Variants in SRCAP observed in about 807,000 individuals in gnomAD.
SRCAP encodes the protein chromatin remodeling protein SRCAP.
In SRCAP, 46 loss-of-function variants were observed where a neutral mutation model predicts 263.1. That is an observed-to-expected ratio of 0.17 (90% CI 0.14 to 0.22). The LOEUF is 0.22. SRCAP is among the 10% of genes least tolerant of loss of function. The pLI is 1.00. For synonymous variants in SRCAP, 1,813 were observed against 1,662.1 expected, an observed-to-expected ratio of 1.09 and a Z score of -2.21; for missense variants, 3,695 against 4,181.9, an observed-to-expected ratio of 0.88 and a Z score of 3.21.
At chr16:30,701,710 A>T (rs1433248605) in intron 3 of SRCAP, among the ~76,000 whole-genome samples, 2 of 148,312 alleles carry the variant, frequency 1.3e-5, no homozygotes, top group African/African-American at 2.5e-5. Flanking sequence ...GCTCACTGCA[A>T]CCTCCGCCTC....
rs539793255 is a variant in SRCAP at position 30,723,766 on chromosome 16, C to T, written c.4342C>T (p.Pro1448Ser). The change falls in exon 25 of 34, where the codon CCT (proline) becomes TCT (serine). Residue 1448 changes from proline (P) to serine (S), a missense_variant. Pro to Ser is a moderately conservative substitution (Grantham distance 74). Coordinates refer to ENST00000262518, the MANE Select transcript of SRCAP (RefSeq NM_006662.3). Reference sequence around the variant, plus strand: ...CCCCATCTCTGTCCCCACCACACTTCCTGCCCCAGCCTCGGCTCCACTCAC... The same window carrying T: ...CCCCATCTCTGTCCCCACCACACTTTCTGCCCCAGCCTCGGCTCCACTCAC... Reference protein sequence around the residue: ...SLPISVPTTLPAPASAPLTIP... With the variant: ...SLPISVPTTLSAPASAPLTIP... 1.1e-5 allele frequency: 18 copies of T among 1,614,096 alleles called. No individual in the cohort carries two copies. The African/African-American group carries it at 2.0e-4, about 18-fold the overall frequency.
intron 21 of SRCAP, 27 bp from the exon 22 acceptor site, chr16:30,722,095 G>GT: frequency 6.2e-7 from 1 of 1,604,014 alleles, no homozygotes; most frequent in Non-Finnish European, 8.5e-7. Context: ...TGAGCCTTGT[G>GT]TACAATAAGG....
intron 4 of SRCAP, among the ~76,000 whole-genome samples, chr16:30,706,333 C>T (rs965003138): frequency 6.6e-5 from 10 of 152,020 alleles, no homozygotes; most frequent in Admixed American, 5.9e-4. Context: ...TTGCATGTGC[C>T]TATAGTCAGT....
In SRCAP at chr16:30,738,422, C is replaced by T; in HGVS notation, c.8382C>T (p.Arg2794=). 1 of 1,553,788 alleles carries T rather than the reference C, an allele frequency of 6.4e-7. No homozygotes were observed. The highest frequency in any genetic ancestry group is 1.2e-5 in the South Asian group (1 of 81,246). ...TSASPGSPSV[R]SMSGPESSPP... ...CCAGCCCGGGAAGCCCGTCTGTCCG[C>T]AGCATGTCAGGGCCAGAATCCTCCC... The change falls in exon 34 of 34, where the codon CGC becomes CGT. Residue 2794 remains arginine (R), a synonymous_variant. Transcript: ENST00000262518.
At chr16:30,731,683 G>A (rs866268681) in intron 27 of SRCAP, among the ~76,000 whole-genome samples, 55 of 151,838 alleles carry the variant, frequency 3.6e-4, no homozygotes, top group African/African-American at 1.3e-3. Context: ...GCAACATGGC[G>A]AAACCCTGTC....
rs56209507 is a variant in SRCAP, at chr16:30,703,955, A to C, written c.55-109A>C. On this transcript the variant is annotated intron_variant, in intron 3 of 33. Coordinates refer to ENST00000262518, the MANE Select transcript of SRCAP (RefSeq NM_006662.3). ...TTGTGTTTATGAAAATAAGGTTTAT[A>C]CCTTACTCTACACAGTTTTTTCTTG... is the stretch of plus-strand genomic sequence containing the variant. 6.0e-3 allele frequency: 7,874 copies of C among 1,322,554 alleles called. 354 individuals are homozygous for C. The African/African-American group carries it at 0.11, about 18-fold the overall frequency. The allele number at this position is 1,322,554 out of a possible 1,614,324, so 81.9% of individuals were successfully genotyped here.
At chr16:30,717,610 CTTTTTTTTT>C (rs34512915) in intron 18 of SRCAP, among the ~76,000 whole-genome samples, 1 of 91,146 alleles carries the variant, frequency 1.1e-5, no homozygotes, top group East Asian at 3.4e-4. Context: ...CCAAGCCTGG[CTTTTTTTTT>C]TTTTTTTTTT....
chr16:30,702,154 A>G (rs888564345), intron 3 of SRCAP, among the ~76,000 whole-genome samples: 2 of 150,782 alleles, frequency 1.3e-5, no homozygotes, highest in Non-Finnish European at 2.9e-5. Context: ...GGGTTTCACC[A>G]TGTTTGCCAG....
At chr16:30,726,349 CAGGTGT>C (rs2053064508) in intron 25 of SRCAP, 1 of 152,152 alleles carries the variant, frequency 6.6e-6, no homozygotes, top group Non-Finnish European at 1.5e-5. Context: ...TTTGTATGGA[CAGGTGT>C]TCTCAGTTTC....
Position 30,709,581 on chromosome 16 carries a change from C to T in SRCAP, c.702C>T (p.Asp234=), listed in dbSNP as rs1397531453. 7.4e-6 allele frequency: 12 copies of T among 1,614,200 alleles called. No individual in the cohort carries two copies. The highest frequency in any genetic ancestry group is 1.0e-5 in the Non-Finnish European group (12 of 1,180,038). ...KRKKALDLHL[D]FIVGQTEKYS... ...AAAAAGCCCTGGACCTGCATTTGGA[C>T]TTCATTGTGGGGCAAACTGAAAAGT... Residue 234 remains aspartate (D), a synonymous_variant, in exon 7 of 34, where the codon GAC becomes GAT. Transcript: ENST00000262518.
At position 30,739,814 on chromosome 16, in the gene SRCAP, A is replaced by G; in HGVS notation, c.*81A>G. 7.0e-7 allele frequency: 1 copy of G among 1,425,962 alleles called. No homozygotes were observed. The highest frequency in any genetic ancestry group is 9.2e-7 in the Non-Finnish European group (1 of 1,086,924). 88.3% of individuals were successfully genotyped at this position (1,425,962 alleles called of 1,614,324 possible). A position where few individuals can be genotyped will look rare whatever the true frequency, so the allele number is the denominator to read the frequency against. ...CCTGACTCTGTTAACCACTACTTGA[A>G]GTCTTGAGGGGGAAAGCCTCCAGGG... On this transcript the variant is annotated 3_prime_UTR_variant, in exon 34 of 34. Transcript: ENST00000262518.
intron 8 of SRCAP, 48 bp from the exon 9 acceptor site, chr16:30,710,706 T>C: frequency 1.3e-6 from 2 of 1,591,410 alleles, no homozygotes; most frequent in Non-Finnish European, 1.7e-6. Flanking sequence ...GCCATTCTTC[T>C]GCTACTGTAA....
intron 10 of SRCAP, 144 bp from the exon 11 acceptor site, chr16:30,711,427 A>C: frequency 5.0e-6 from 4 of 798,876 alleles, no homozygotes; most frequent in Non-Finnish European, 3.9e-6. Context: ...TTGCTAGCTG[A>C]TGCTGAAAGT....
At chr16:30,734,053 G>T (rs181460732) in intron 30 of SRCAP, 45 bp downstream of exon 30, 1 of 1,479,394 alleles carries the variant, frequency 6.8e-7, no homozygotes, top group Non-Finnish European at 9.2e-7. Flanking sequence ...AAACTGCTGC[G>T]CCTTCAGGAG....
In SRCAP at chr16:30,739,335, A is replaced by G. The variant is rs750203486; in HGVS notation, c.9295A>G (p.Ser3099Gly). 1.9e-6 allele frequency: 3 copies of G among 1,614,048 alleles called. No individual in the cohort carries two copies. The highest frequency in any genetic ancestry group is 2.7e-5 in the African/African-American group (2 of 74,930). ...VIQDDLDLADSGPGGLELTPP... is the reference protein window; with the variant it reads ...VIQDDLDLADGGPGGLELTPP... ...TCAGGATGACCTGGACTTAGCAGATAGCGGGCCAGGCGGGTTGGAATTGAC... is the reference window on the plus strand; with the variant it reads ...TCAGGATGACCTGGACTTAGCAGATGGCGGGCCAGGCGGGTTGGAATTGAC... The change falls in exon 34 of 34, where the codon AGC becomes GGC. Residue 3099 changes from serine to glycine, a missense_variant. Coordinates refer to ENST00000262518, the MANE Select transcript of SRCAP (RefSeq NM_006662.3).
At position 30,721,289 on chromosome 16, in the gene SRCAP, A is replaced by G. The variant is rs2053008934; in HGVS notation, c.3354A>G (p.Pro1118=). ...CACCTGCCCCAGTTCGCCTGAGCCC[A>G]GCCCCACCTCCAGGCTCCTCTAGCC... ...PTPPAPVRLS[P]APPPGSSSLL... is the part of the protein sequence containing the mutation. Residue 1118 remains proline, a synonymous_variant, in exon 21 of 34, where the codon CCA becomes CCG. Transcript: ENST00000262518. 1.2e-6 allele frequency: 2 copies of G among 1,614,052 alleles called. No individual in the cohort carries two copies. The highest frequency in any genetic ancestry group is 1.7e-6 in the Non-Finnish European group (2 of 1,180,036).
chr16:30,733,824 A>G lies in SRCAP; in HGVS notation c.6494+26A>G. On this transcript the variant is annotated intron_variant, in intron 29 of 33. Coordinates refer to ENST00000262518, the MANE Select transcript of SRCAP (RefSeq NM_006662.3). The surrounding 1 kb of genome is among the most constrained non-coding windows in gnomAD (Gnocchi z 5.3). The stretch of plus-strand genomic sequence containing the variant: ...GTATTGCCTAGTCTTCCCTCACCTT[A>G]CTTTCCGTTTACTGATGGGGTTTCC... 23 of 1,611,398 alleles carry G rather than the reference A, an allele frequency of 1.4e-5. No homozygotes were observed. Among genetic ancestry groups the G allele is most frequent in the Non-Finnish European group, 1.9e-5 (22 of 1,178,168 alleles).
intron 14 of SRCAP, 44 bp from the exon 15 acceptor site, chr16:30,713,164 C>CT: frequency 6.3e-7 from 1 of 1,590,942 alleles, no homozygotes; most frequent in Non-Finnish European, 8.6e-7. Flanking sequence ...TTGCTCTCTT[C>CT]TTTTCATCCC....
chr16:30,732,203 G>C (rs1164606986), intron 27 of SRCAP, among the ~76,000 whole-genome samples: 1 of 151,934 alleles, frequency 6.6e-6, no homozygotes, highest in Non-Finnish European at 1.5e-5. Flanking sequence ...TGTAATCCCA[G>C]CACTTTGGGA....
Sources: gnomAD v4.1 joint callset for allele counts (sites outside exome capture counted in the v4.1 genomes callset) on GRCh38, gnomAD v4.1.1 for gene constraint, Gnocchi (gnomAD v3.1) non-coding constraint, MANE v1.5 for transcripts, NCBI Gene and HGNC (gene_info 2026-07-23, HGNC 2026-07-21) for gene names.